The following LCORL variants were observed in gnomAD, a reference collection of about 807,000 sequenced individuals.
The protein encoded by LCORL is ligand dependent nuclear receptor corepressor like.
In LCORL, 41 loss-of-function variants were observed where a neutral mutation model predicts 141.8. That is an observed-to-expected ratio of 0.29 (90% CI 0.23 to 0.38). The LOEUF (loss-of-function observed/expected upper bound fraction) is 0.38, where lower values mean the gene tolerates loss of function less well. LCORL is among the 10% of genes least tolerant of loss of function. The pLI, the probability that LCORL is intolerant of heterozygous loss-of-function variation, is 1.00. For missense variants in LCORL, 1,759 were observed against 2,035.0 expected, an observed-to-expected ratio of 0.86 and a Z score of 2.61; for synonymous variants, 618 against 694.1, an observed-to-expected ratio of 0.89 and a Z score of 1.72.
chr4:17,911,404 G>A (rs1732499793), intron 4 of LCORL, among the ~76,000 whole-genome samples: 1 of 152,166 alleles, frequency 6.6e-6, no homozygotes, highest in Non-Finnish European at 1.5e-5. Flanking sequence ...GTTATAACAT[G>A]TGTAAACGGC....
At chr4:17,871,265 ATAAAG>A (rs1222635853) in intron 7 of LCORL, among the ~76,000 whole-genome samples, 1 of 151,984 alleles carries the variant, frequency 6.6e-6, no homozygotes, top group African/African-American at 2.4e-5. Context: ...ATGTTAAAAA[ATAAAG>A]AAGGAAAGTT....
chr4:17,890,330 A>G (rs1728895946), intron 5 of LCORL, among the ~76,000 whole-genome samples: 1 of 152,088 alleles, frequency 6.6e-6, no homozygotes, highest in African/African-American at 2.4e-5. Context: ...TATGCCATTT[A>G]TGTGAATATT....
chr4:17,917,921 G>A (rs1441590108), intron 4 of LCORL, among the ~76,000 whole-genome samples: 2 of 150,604 alleles, frequency 1.3e-5, no homozygotes, highest in African/African-American at 5.0e-5. Flanking sequence ...CTTCCTTTGC[G>A]CTGAAGTTAC....
Position 17,884,270 on chromosome 4 carries a change from C to G in LCORL, c.776+1798G>C. On this transcript the variant is annotated intron_variant, in intron 6 of 7. Coordinates refer to ENST00000635767, the Ensembl canonical transcript of LCORL. This position sits in a 1 kb window ranked among gnomAD's most constrained non-coding sequence, Gnocchi z 4.4. ...ATCAGGTTGTGATTTTGAGACAGAA[C>G]TTACTCGTAGCTGAGGAATTTTTAA... The G allele has an allele frequency of 6.4e-7, 1 of 1,550,738 alleles. No individual in the cohort carries two copies. The highest frequency in any genetic ancestry group is 1.2e-5 in the South Asian group (1 of 83,998).
chr4:17,917,176 T>C (rs2109357459), intron 4 of LCORL, among the ~76,000 whole-genome samples: 1 of 151,930 alleles, frequency 6.6e-6, no homozygotes, highest in Admixed American at 6.6e-5. Flanking sequence ...TTTCACCACG[T>C]TGGCCAGGCT....
Position 18,021,801 on chromosome 4 carries a change from G to C in LCORL, c.-50C>G. The C allele has an allele frequency of 2.1e-6, 3 of 1,419,774 alleles. No homozygotes were observed. The highest frequency in any genetic ancestry group is 2.7e-6 in the Non-Finnish European group (3 of 1,095,140). 87.9% of individuals were successfully genotyped at this position (1,419,774 alleles called of 1,614,324 possible). A position where few individuals can be genotyped will look rare whatever the true frequency, so the allele number is the denominator to read the frequency against. On this transcript the variant is annotated 5_prime_UTR_variant, in exon 1 of 8. Transcript: ENST00000635767. The surrounding 1 kb of genome is among the most constrained non-coding windows in gnomAD (Gnocchi z 5.5). ...ATTTACATACGAGCAGCGCAGGCAC[G>C]AGGCAGGGGCGCGAGCCCTCGGCGC... is the stretch of plus-strand genomic sequence containing the variant.
rs190069488 is a variant in LCORL at position 17,910,217 on chromosome 4, G to C, written c.431-872C>G. ...TAGTAAGAAGTGTGGGATAAGAACAGATCACTTATATACACAGTGCACAAT... is the reference window on the plus strand; with the variant it reads ...TAGTAAGAAGTGTGGGATAAGAACACATCACTTATATACACAGTGCACAAT... On this transcript the variant is annotated intron_variant, in intron 4 of 7. Coordinates refer to ENST00000635767, the Ensembl canonical transcript of LCORL. Among the ~76,000 whole-genome samples the C allele has an allele frequency of 5.6e-3, 853 of 152,276 alleles. 11 individuals are homozygous for C. Among genetic ancestry groups the C allele is most frequent in the African/African-American group, 0.02 (812 of 41,562 alleles).
intron 7 of LCORL, among the ~76,000 whole-genome samples, chr4:17,867,920 ACTCTT>A (rs1039576753): frequency 6.6e-6 from 1 of 152,138 alleles, no homozygotes; most frequent in Non-Finnish European, 1.5e-5. Context: ...TAAAACCTAA[ACTCTT>A]CTCTTAATTC....
intron 4 of LCORL, among the ~76,000 whole-genome samples, chr4:17,917,478 C>T (rs1197343957): frequency 2.0e-5 from 3 of 152,260 alleles, no homozygotes; most frequent in African/African-American, 7.2e-5. Flanking sequence ...CAGGCATGAG[C>T]CACTGCGCCA....
chr4:17,843,227 CAAA>C, exon 8 of LCORL: 1 of 1,499,234 alleles, frequency 6.7e-7, no homozygotes, highest in Non-Finnish European at 9.0e-7. Context: ...GAGTCAGAAA[CAAA>C]AAAGTTTTAT....
chr4:18,010,117 C>CT (rs539282420), intron 1 of LCORL, among the ~76,000 whole-genome samples: 1 of 152,148 alleles, frequency 6.6e-6, no homozygotes, highest in African/African-American at 2.4e-5. Context: ...AGAGTACCTG[C>CT]TTTTTTTCCA....
intron 1 of LCORL, among the ~76,000 whole-genome samples, chr4:17,977,572 A>ATACC (rs1375776054): frequency 2.0e-5 from 3 of 152,192 alleles, no homozygotes; most frequent in African/African-American, 7.2e-5. Flanking sequence ...CTCTGTTCAA[A>ATACC]TCATTTGCAA....
chr4:17,927,763 C>G (rs1221650565), intron 4 of LCORL, among the ~76,000 whole-genome samples: 1 of 152,094 alleles, frequency 6.6e-6, no homozygotes, highest in African/African-American at 2.4e-5. Flanking sequence ...TAATTACAAT[C>G]ATAACATCAA....
chr4:17,973,834 C>G (rs1716434811), intron 1 of LCORL, among the ~76,000 whole-genome samples: 1 of 151,880 alleles, frequency 6.6e-6, no homozygotes, highest in Non-Finnish European at 1.5e-5. Context: ...ATCTTAGAAT[C>G]TACTGTCATA....
intron 1 of LCORL, among the ~76,000 whole-genome samples, chr4:17,978,632 T>C (rs1272079675): frequency 6.6e-6 from 1 of 152,018 alleles, no homozygotes; most frequent in Non-Finnish European, 1.5e-5. Context: ...GCTTTCACTT[T>C]GGGTGGTGGG....
At chr4:17,989,662 A>G (rs942392522) in intron 1 of LCORL, among the ~76,000 whole-genome samples, 2 of 152,258 alleles carry the variant, frequency 1.3e-5, no homozygotes, top group Admixed American at 1.3e-4. Context: ...TAAAAATACT[A>G]TAAAATGTCT....
At chr4:17,852,271 T>C (rs898227644) in intron 7 of LCORL, among the ~76,000 whole-genome samples, 1 of 149,022 alleles carries the variant, frequency 6.7e-6, no homozygotes, top group Non-Finnish European at 1.5e-5. Flanking sequence ...ATGTATACAG[T>C]GGTACTCTTG....
chr4:17,883,590 C>A (rs1482388829), intron 6 of LCORL: 1 of 1,354,758 alleles, frequency 7.4e-7, no homozygotes, highest in Non-Finnish European at 9.5e-7. Flanking sequence ...AATTTCATGT[C>A]TCCTGTCAGA....
intron 4 of LCORL, among the ~76,000 whole-genome samples, chr4:17,925,258 A>G (rs2109393270): frequency 6.6e-6 from 1 of 152,296 alleles, no homozygotes; most frequent in East Asian, 1.9e-4. Context: ...CTACTGCTCC[A>G]CAGTGGAGGT....
Sources: gnomAD v4.1 joint callset for allele counts (sites outside exome capture counted in the v4.1 genomes callset) on GRCh38, gnomAD v4.1.1 for gene constraint, Gnocchi (gnomAD v3.1) non-coding constraint, MANE v1.5 for transcripts, NCBI Gene and HGNC (gene_info 2026-07-23, HGNC 2026-07-21) for gene names.